The following RFT1 variants were observed in gnomAD, a reference collection of about 807,000 sequenced individuals.
RFT1 encodes man(5)GlcNAc(2)-PP-dolichol translocation protein RFT1.
In RFT1, 43 loss-of-function variants were observed where a neutral mutation model predicts 62.2. The ratio of observed to expected loss-of-function variants is 0.69; its 90% confidence interval spans 0.54 to 0.89. The LOEUF (loss-of-function observed/expected upper bound fraction) is 0.89, where lower values mean the gene tolerates loss of function less well. Ranked by LOEUF, RFT1 falls within the 40% of genes least tolerant of loss-of-function variation. The pLI, the probability that RFT1 is intolerant of heterozygous loss-of-function variation, is 0.00. For synonymous variants in RFT1, 262 were observed against 264.6 expected, an observed-to-expected ratio of 0.99 and a Z score of 0.10; for missense variants, 605 against 649.9, an observed-to-expected ratio of 0.93 and a Z score of 0.75.
In RFT1 at chr3:53,091,440, A is replaced by C. The variant is rs1048944003; in HGVS notation, c.*463T>G. 1.1e-5 allele frequency: 2 copies of C among 179,812 alleles called. No individual in the cohort carries two copies. Among genetic ancestry groups the C allele is most frequent in the South Asian group, 2.3e-4 (2 of 8,574 alleles). 11.1% of individuals were successfully genotyped at this position (179,812 alleles called of 1,614,324 possible). ...AACTTCAGGGCCACACTCTGTTTCC[A>C]TGTGGTGCATGAGAGAGAGAGGTTT... On this transcript the variant is annotated 3_prime_UTR_variant, in exon 13 of 13. Transcript: ENST00000296292.
intron 10 of RFT1, 153 bp downstream of exon 10, chr3:53,103,800 G>T: frequency 1.1e-6 from 1 of 931,846 alleles, no homozygotes; most frequent in Non-Finnish European, 1.7e-6. Flanking sequence ...GTCTGGAGTT[G>T]AACGAGGGGA....
chr3:53,120,337 T>C (rs1045535066), intron 5 of RFT1, among the ~76,000 whole-genome samples: 2 of 152,218 alleles, frequency 1.3e-5, no homozygotes, highest in South Asian at 4.1e-4. Context: ...AGGTGTGTAT[T>C]TGGCCAAAGG....
the RFT1 span, among the ~76,000 whole-genome samples, chr3:53,077,425 C>G: frequency 6.6e-6 from 1 of 152,232 alleles, no homozygotes; most frequent in Non-Finnish European, 1.5e-5. Flanking sequence ...GGGGCTGCAC[C>G]CCATGCCTGT....
intron 11 of RFT1, among the ~76,000 whole-genome samples, chr3:53,095,030 G>C (rs1275530601): frequency 1.3e-5 from 2 of 150,518 alleles, no homozygotes; most frequent in African/African-American, 5.0e-5. Context: ...CACTTTGGGA[G>C]GCCGAGGCGG....
chr3:53,127,610 G>A (rs993037768), intron 1 of RFT1, among the ~76,000 whole-genome samples: 1 of 151,572 alleles, frequency 6.6e-6, no homozygotes, highest in Non-Finnish European at 1.5e-5. Flanking sequence ...GCTGAGGCAG[G>A]AGAATGGCGT....
chr3:53,101,979 G>C lies in RFT1; in HGVS notation c.1102+1974C>G, dbSNP rs896690286. Among the ~76,000 whole-genome samples, 3 of 151,236 alleles carry C rather than the reference G, an allele frequency of 2.0e-5. No individual in the cohort carries two copies. In the South Asian group the frequency reaches 6.3e-4, roughly 32 times the overall value. On this transcript the variant is annotated intron_variant, in intron 10 of 12. Transcript: ENST00000296292. The stretch of plus-strand genomic sequence containing the variant: ...TTGAACCCGGGAGGTGGAGGCTGCA[G>C]TGAGCCGAGATCACACCACTGTACT...
chr3:53,076,344 GCAATGTCTC>G, the RFT1 span, among the ~76,000 whole-genome samples: 1 of 152,146 alleles, frequency 6.6e-6, no homozygotes, highest in Non-Finnish European at 1.5e-5. Flanking sequence ...GGTTCCTGGA[GCAATGTCTC>G]CAGGGAAAGC....
At chr3:53,119,185 C>G (rs1701897642) in intron 6 of RFT1, among the ~76,000 whole-genome samples, 1 of 149,948 alleles carries the variant, frequency 6.7e-6, no homozygotes, top group Non-Finnish European at 1.5e-5. Context: ...CTATGGGAAA[C>G]AGAATGAGAC....
chr3:53,104,091 C>T lies in RFT1; in HGVS notation c.964G>A (p.Val322Ile), dbSNP rs143888206. 29 of 1,614,182 alleles carry T rather than the reference C, an allele frequency of 1.8e-5. No homozygotes were observed. The African/African-American group carries it at 2.4e-4, about 13-fold the overall frequency. Reference protein sequence around the residue: ...KDATLQKQEDVAVAAAVLESL... With the variant: ...KDATLQKQEDIAVAAAVLESL... ...TCCAAGACTGCAGCAGCCACAGCAA[C>T]GTCCTCCTGGGGCCAGGGAAGAGGG... The change falls in exon 10 of 13, where the codon GTT becomes ATT. Residue 322 changes from valine (V) to isoleucine (I), a missense_variant. Coordinates refer to ENST00000296292, the MANE Select transcript of RFT1 (RefSeq NM_052859.4).
intron 2 of RFT1, among the ~76,000 whole-genome samples, chr3:53,124,417 G>C (rs1188737127): frequency 6.6e-6 from 1 of 152,306 alleles, no homozygotes; most frequent in Admixed American, 6.5e-5. Flanking sequence ...TCAATAGACA[G>C]CCGTCTGGGT....
intron 7 of RFT1, among the ~76,000 whole-genome samples, chr3:53,109,441 T>G (rs1701585365): frequency 1.3e-5 from 2 of 152,202 alleles, no homozygotes; most frequent in Non-Finnish European, 2.9e-5. Context: ...TTCATCTCAG[T>G]ATTCTCAGCA....
At chr3:53,114,292 G>A (rs77203638) in intron 6 of RFT1, among the ~76,000 whole-genome samples, 3,066 of 152,300 alleles carry the variant, frequency 0.02, 47 homozygotes, top group Middle Eastern at 0.034. Flanking sequence ...TGAGGCTCTC[G>A]TGATGCCTGT....
chr3:53,103,106 G>A (rs1293745797), intron 10 of RFT1: 22 of 985,222 alleles, frequency 2.2e-5, no homozygotes, highest in Non-Finnish European at 2.7e-5. Flanking sequence ...CCTTTGCTCT[G>A]GTATAGAAAC....
chr3:53,098,801 C>CAAAAA (rs35371104), intron 11 of RFT1, among the ~76,000 whole-genome samples: 43 of 57,550 alleles, frequency 7.5e-4, no homozygotes, highest in East Asian at 2.6e-3. Context: ...GACTCCATCT[C>CAAAAA]AAAAAAAAAA....
At chr3:53,094,272 G>C (rs1701078322) in intron 11 of RFT1, among the ~76,000 whole-genome samples, 1 of 151,980 alleles carries the variant, frequency 6.6e-6, no homozygotes. Context: ...CCCAGGTATA[G>C]GTCCTTGGCT....
the RFT1 span, among the ~76,000 whole-genome samples, chr3:53,073,289 C>T: frequency 6.6e-6 from 1 of 152,384 alleles, no homozygotes; most frequent in African/African-American, 2.4e-5. Flanking sequence ...TCAGACTGCG[C>T]ACCAGCATCT....
chr3:53,084,044 G>A (rs975384227), downstream of RFT1, among the ~76,000 whole-genome samples: 2 of 152,112 alleles, frequency 1.3e-5, no homozygotes, highest in African/African-American at 4.8e-5. Flanking sequence ...GAAGAGCTCT[G>A]TTTTCCTTCT....
At chr3:53,084,333 G>A (rs997106119), downstream of RFT1, among the ~76,000 whole-genome samples, 3 of 152,238 alleles carry the variant, frequency 2.0e-5, no homozygotes, top group African/African-American at 7.2e-5. Context: ...TCAAATGAAA[G>A]GGCAAAGAAG....
chr3:53,123,318 G>A (rs1262725731), intron 3 of RFT1, among the ~76,000 whole-genome samples: 3 of 152,184 alleles, frequency 2.0e-5, no homozygotes, highest in African/African-American at 7.2e-5. Context: ...ACCCATAAAA[G>A]GCTTTCAAGA....
Sources: gnomAD v4.1 joint callset for allele counts (sites outside exome capture counted in the v4.1 genomes callset) on GRCh38, gnomAD v4.1.1 for gene constraint, MANE v1.5 for transcripts, NCBI Gene and HGNC (gene_info 2026-07-23, HGNC 2026-07-21) for gene names.